Variants in OSBPL9 observed in about 807,000 individuals in gnomAD.
OSBPL9 encodes the protein oxysterol-binding protein-related protein 9.
In OSBPL9, 40 loss-of-function variants were observed where a neutral mutation model predicts 106.6. That is an observed-to-expected ratio of 0.38 (90% CI 0.29 to 0.49). The LOEUF (loss-of-function observed/expected upper bound fraction) is 0.49, where lower values mean the gene tolerates loss of function less well. OSBPL9 is among the 20% of genes least tolerant of loss of function. The pLI, the probability that OSBPL9 is intolerant of heterozygous loss-of-function variation, is 0.97. For missense variants in OSBPL9, 609 were observed against 887.2 expected, an observed-to-expected ratio of 0.69 and a Z score of 3.98; for synonymous variants, 269 against 295.4, an observed-to-expected ratio of 0.91 and a Z score of 0.92.
chr1:51,773,118 T>A (rs1331288144), intron 14 of OSBPL9, among the ~76,000 whole-genome samples: 1 of 152,110 alleles, frequency 6.6e-6, no homozygotes, highest in Non-Finnish European at 1.5e-5. Context: ...AGAGGGTTAT[T>A]GTAAGGATTG....
At chr1:51,758,155 C>T (rs1177259789) in intron 9 of OSBPL9, among the ~76,000 whole-genome samples, 1 of 152,090 alleles carries the variant, frequency 6.6e-6, no homozygotes, top group Non-Finnish European at 1.5e-5. Context: ...TTTTAATATA[C>T]ATGTTGTCAA....
chr1:51,598,575 T>C (rs1645313614), intron 2 of OSBPL9, among the ~76,000 whole-genome samples: 1 of 152,222 alleles, frequency 6.6e-6, no homozygotes, highest in South Asian at 2.1e-4. Flanking sequence ...CAACTAAAAA[T>C]GTCTCCAGAC....
chr1:51,564,290 T>A, the OSBPL9 span, among the ~76,000 whole-genome samples: 1 of 151,878 alleles, frequency 6.6e-6, no homozygotes, highest in East Asian at 1.9e-4. Context: ...TGACCTTGAG[T>A]TCTTTAAGCT....
At chr1:51,697,525 A>T (rs1656317054) in intron 3 of OSBPL9, among the ~76,000 whole-genome samples, 1 of 146,352 alleles carries the variant, frequency 6.8e-6, no homozygotes, top group Non-Finnish European at 1.5e-5. Flanking sequence ...GTATACAGGC[A>T]GTAATATATT....
At chr1:51,747,461 G>T (rs1200023232) in intron 6 of OSBPL9, among the ~76,000 whole-genome samples, 1 of 151,484 alleles carries the variant, frequency 6.6e-6, no homozygotes, top group Non-Finnish European at 1.5e-5. Flanking sequence ...CTTTAATTAT[G>T]GTTCTGCTAT....
chr1:51,702,208 C>T (rs1657433195), intron 3 of OSBPL9, among the ~76,000 whole-genome samples: 1 of 152,184 alleles, frequency 6.6e-6, no homozygotes, highest in South Asian at 2.1e-4. Context: ...TTCTAGATCC[C>T]TGAGGAATTG....
chr1:51,654,231 G>C (rs190401228), intron 2 of OSBPL9, among the ~76,000 whole-genome samples: 1 of 152,282 alleles, frequency 6.6e-6, no homozygotes, highest in Admixed American at 6.5e-5. Flanking sequence ...GAAGAACATA[G>C]TGTCTAGTTT....
In OSBPL9 at chr1:51,706,762, A is replaced by G. The variant is rs548290138; in HGVS notation, c.242-7241A>G. On this transcript the variant is annotated intron_variant, in intron 3 of 23. Transcript: ENST00000428468. ...TACTTTAACTGTATCCAATGAATCC[A>G]TATATCATATTTTCATTTATTCAGT... is the stretch of plus-strand genomic sequence containing the variant. Among the ~76,000 whole-genome samples the G allele has an allele frequency of 1.3e-4, 20 of 151,688 alleles. No individual in the cohort carries two copies. The South Asian group carries it at 4.2e-3, about 32-fold the overall frequency.
intron 4 of OSBPL9, among the ~76,000 whole-genome samples, chr1:51,742,782 T>C (rs1667202647): frequency 2.0e-5 from 3 of 152,016 alleles, no homozygotes; most frequent in Admixed American, 2.0e-4. Flanking sequence ...TTAATATGAA[T>C]AAGTGTTGTG....
chr1:51,769,955 G>T (rs1258554336), intron 12 of OSBPL9, among the ~76,000 whole-genome samples: 2 of 152,104 alleles, frequency 1.3e-5, no homozygotes, highest in Non-Finnish European at 2.9e-5. Flanking sequence ...GAGGCACAAA[G>T]CATTTTAAAG....
chr1:51,783,100 A>G (rs970652128), intron 17 of OSBPL9, among the ~76,000 whole-genome samples: 1 of 152,190 alleles, frequency 6.6e-6, no homozygotes, highest in Non-Finnish European at 1.5e-5. Context: ...TCATCTCTAG[A>G]TTACTTATAA....
At chr1:51,668,951 A>G (rs892745678) in intron 2 of OSBPL9, among the ~76,000 whole-genome samples, 2 of 152,202 alleles carry the variant, frequency 1.3e-5, no homozygotes, top group African/African-American at 4.8e-5. Context: ...CACTTGGAAG[A>G]AGGGGTTGGG....
At chr1:51,608,325 C>T (rs1222772130) in intron 2 of OSBPL9, among the ~76,000 whole-genome samples, 2 of 152,174 alleles carry the variant, frequency 1.3e-5, no homozygotes, top group African/African-American at 2.4e-5. Flanking sequence ...CGGAGTCTCA[C>T]TCTGTCACCC....
intron 1 of OSBPL9, among the ~76,000 whole-genome samples, chr1:51,585,088 C>T (rs1050548087): frequency 6.6e-6 from 1 of 151,624 alleles, no homozygotes; most frequent in Non-Finnish European, 1.5e-5. Flanking sequence ...GTGGGAGGAT[C>T]ACTTCAGCCC....
At position 51,781,403 on chromosome 1, in the gene OSBPL9, AAAT is replaced by A. The variant is rs377034386; in HGVS notation, c.1428+75_1428+77del. The stretch of plus-strand genomic sequence containing the variant: ...CTGATTCAAGATTTTATTTAGGGGC[AAAT>A]AATAATGATGAAAGCAATGATCAAA... On this transcript the variant is annotated intron_variant, in intron 16 of 23. Coordinates refer to ENST00000428468, the MANE Select transcript of OSBPL9 (RefSeq NM_024586.6). 53 of 1,433,584 alleles carry A rather than the reference AAAT, an allele frequency of 3.7e-5. 1 individual carries two copies. In the African/African-American group the frequency reaches 4.4e-4, roughly 12 times the overall value. 88.8% of individuals were successfully genotyped at this position (1,433,584 alleles called of 1,614,324 possible).
chr1:51,708,127 C>A (rs1658999506), intron 3 of OSBPL9: 1 of 202,124 alleles, frequency 4.9e-6, no homozygotes, highest in African/African-American at 2.3e-5. Flanking sequence ...TCCGTTTATT[C>A]CAGCCTTCAT....
At chr1:51,741,618 T>G (rs1026018442) in intron 4 of OSBPL9, among the ~76,000 whole-genome samples, 1 of 150,852 alleles carries the variant, frequency 6.6e-6, no homozygotes, top group African/African-American at 2.5e-5. Flanking sequence ...TAGAGTAGCT[T>G]TATTAATAAA....
At chr1:51,602,539 C>T (rs565590824) in intron 2 of OSBPL9, among the ~76,000 whole-genome samples, 2 of 150,774 alleles carry the variant, frequency 1.3e-5, no homozygotes, top group South Asian at 4.2e-4. Flanking sequence ...CCTCCCACCT[C>T]GGCCTCCCTG....
intron 1 of OSBPL9, among the ~76,000 whole-genome samples, chr1:51,644,737 A>G (rs1394551932): frequency 1.3e-5 from 2 of 152,172 alleles, no homozygotes; most frequent in African/African-American, 4.8e-5. Flanking sequence ...AAGTCTACTG[A>G]TGAATCATTT....
Sources: gnomAD v4.1 joint callset for allele counts (sites outside exome capture counted in the v4.1 genomes callset) on GRCh38, gnomAD v4.1.1 for gene constraint, MANE v1.5 for transcripts, NCBI Gene and HGNC (gene_info 2026-07-23, HGNC 2026-07-21) for gene names.